Variants in MTFR1 observed in about 807,000 individuals in gnomAD.
The protein encoded by MTFR1 is mitochondrial fission regulator 1, also known as chondrocyte protein with a poly-proline region.
Under a neutral mutation model 38.8 loss-of-function variants are expected in MTFR1, and 28 were observed. The ratio of observed to expected loss-of-function variants is 0.72; its 90% CI spans 0.53 to 0.99. The LOEUF (loss-of-function observed/expected upper bound fraction) is 0.99. MTFR1 is among the 50% of genes least tolerant of loss of function. The pLI, the probability that MTFR1 is intolerant of heterozygous loss-of-function variation, is 0.00. For synonymous variants in MTFR1, 145 were observed against 137.0 expected, an observed-to-expected ratio of 1.06 and a Z score of -0.41; for missense variants, 358 against 395.5, an observed-to-expected ratio of 0.91 and a Z score of 0.81.
intron 3 of MTFR1, among the ~76,000 whole-genome samples, chr8:65,750,353 A>G (rs1807877310): frequency 6.6e-6 from 1 of 152,194 alleles, no homozygotes; most frequent in Non-Finnish European, 1.5e-5. Flanking sequence ...CCACTTCATG[A>G]GCATTCCCTC....
intron 3 of MTFR1, among the ~76,000 whole-genome samples, chr8:65,752,141 T>C (rs140893802): frequency 4.6e-5 from 7 of 152,346 alleles, no homozygotes; most frequent in African/African-American, 1.4e-4. Flanking sequence ...CACGAGGAAG[T>C]CACTCTATAT....
At chr8:65,707,749 G>T in intron 6 of MTFR1, 94 bp from the exon 7 acceptor site, 5 of 1,471,988 alleles carry the variant, frequency 3.4e-6, no homozygotes, top group East Asian at 2.3e-5. Context: ...TATGATGCTG[G>T]AGAGGTGCTG....
At chr8:65,720,837 T>G (rs1806344602) in intron 3 of MTFR1, among the ~76,000 whole-genome samples, 1 of 152,234 alleles carries the variant, frequency 6.6e-6, no homozygotes, top group Non-Finnish European at 1.5e-5. Context: ...ACTACAGTGT[T>G]ATGTTGAGCC....
Position 65,703,427 on chromosome 8 carries a change from T to TTG in MTFR1, c.282-1266_282-1265insGT, listed in dbSNP as rs1285177005. ...CATGCTTGATGTCTCTGGTTTTTTT[T>TTG]TTTTTTTTTTTTTTTTTTTTTTTTG... On this transcript the variant is annotated intron_variant, in intron 4 of 7. Coordinates refer to ENST00000262146, the MANE Select transcript of MTFR1 (RefSeq NM_014637.4). Among the ~76,000 whole-genome samples the TTG allele has an allele frequency of 8.6e-3, 1,020 of 118,688 alleles. 33 individuals carry two copies. Among genetic ancestry groups the TTG allele is most frequent in the African/African-American group, 0.033 (952 of 28,732 alleles). 77.9% of individuals were successfully genotyped at this position (118,688 alleles called of 152,430 possible).
rs1295110070 is a variant in MTFR1 at position 65,689,610 on chromosome 8, C to CT, written c.166-4030dup. Reference sequence around the variant, plus strand: ...TGCTGGGAACCTTCAGTAAGTTGTCCTTTTCTTTCTCAAACTTCCCATGCA... The same window carrying CT: ...TGCTGGGAACCTTCAGTAAGTTGTCCTTTTTCTTTCTCAAACTTCCCATGCA... On this transcript the variant is annotated intron_variant, in intron 3 of 7. Coordinates refer to ENST00000262146, the MANE Select transcript of MTFR1 (RefSeq NM_014637.4). 12 of 1,269,352 alleles carry CT rather than the reference C, an allele frequency of 9.5e-6. No homozygotes were observed. The Admixed American group carries it at 2.3e-4, about 24-fold the overall frequency. 78.6% of individuals were successfully genotyped at this position (1,269,352 alleles called of 1,614,324 possible).
chr8:65,672,300 A>G (rs1804585228), intron 2 of MTFR1, among the ~76,000 whole-genome samples: 1 of 152,202 alleles, frequency 6.6e-6, no homozygotes, highest in African/African-American at 2.4e-5. Context: ...AATTTCCAGT[A>G]TTTTTTAGCT....
intron 3 of MTFR1, among the ~76,000 whole-genome samples, chr8:65,760,218 C>T (rs185174664): frequency 6.6e-6 from 1 of 151,490 alleles, no homozygotes; most frequent in African/African-American, 2.4e-5. Flanking sequence ...CCAGCCTGGG[C>T]AAGAGTGAGA....
At chr8:65,748,334 A>G (rs1174328050) in intron 3 of MTFR1, among the ~76,000 whole-genome samples, 1 of 152,202 alleles carries the variant, frequency 6.6e-6, no homozygotes, top group Non-Finnish European at 1.5e-5. Context: ...AAGGGGGAGC[A>G]AAGTGGTTTA....
intron 3 of MTFR1, among the ~76,000 whole-genome samples, chr8:65,756,124 A>G (rs1158831615): frequency 2.0e-5 from 3 of 152,234 alleles, no homozygotes; most frequent in East Asian, 3.8e-4. Context: ...TTAATGAGAA[A>G]TCAGCTATTA....
intron 3 of MTFR1, among the ~76,000 whole-genome samples, chr8:65,760,061 G>A (rs1373144459): frequency 6.6e-6 from 1 of 152,050 alleles, no homozygotes; most frequent in East Asian, 1.9e-4. Flanking sequence ...CTAATATGGT[G>A]AAACCCCATC....
At chr8:65,726,926 A>G (rs777566225) in intron 3 of MTFR1, 1 of 1,609,440 alleles carries the variant, frequency 6.2e-7, no homozygotes, top group South Asian at 1.1e-5. Context: ...CAATAAGCCC[A>G]CTGCAGATCT....
At chr8:65,761,195 A>G (rs1490876765) in intron 3 of MTFR1, among the ~76,000 whole-genome samples, 2 of 152,132 alleles carry the variant, frequency 1.3e-5, no homozygotes, top group East Asian at 3.9e-4. Context: ...CCTCCCGAGT[A>G]GCTGGGATTA....
chr8:65,647,016 AG>A (rs1808979548), intron 1 of MTFR1, among the ~76,000 whole-genome samples: 2 of 152,370 alleles, frequency 1.3e-5, no homozygotes, highest in Non-Finnish European at 2.9e-5. Flanking sequence ...TCCAGAAGTC[AG>A]GTCAGAATCC....
At chr8:65,665,353 T>C (rs1181611829) in intron 1 of MTFR1, among the ~76,000 whole-genome samples, 1 of 152,202 alleles carries the variant, frequency 6.6e-6, no homozygotes. Flanking sequence ...CACCATTGGC[T>C]CTCAGAGGAT....
At chr8:65,704,293 A>G (rs1805713355) in intron 4 of MTFR1, among the ~76,000 whole-genome samples, 1 of 152,214 alleles carries the variant, frequency 6.6e-6, no homozygotes, top group Non-Finnish European at 1.5e-5. Context: ...AAAAAGATAA[A>G]AATTCATCAT....
chr8:65,775,409 A>G (rs1809231207), downstream of MTFR1, among the ~76,000 whole-genome samples: 1 of 152,182 alleles, frequency 6.6e-6, no homozygotes, highest in African/African-American at 2.4e-5. Flanking sequence ...AGTATTTTTT[A>G]AGGCTATGAA....
chr8:65,686,334 G>A (rs1805071288), intron 3 of MTFR1, among the ~76,000 whole-genome samples: 1 of 152,148 alleles, frequency 6.6e-6, no homozygotes, highest in African/African-American at 2.4e-5. Context: ...CACTTTGGGA[G>A]GCCAATGCGG....
intron 4 of MTFR1, among the ~76,000 whole-genome samples, chr8:65,694,487 C>T (rs1256633478): frequency 6.6e-6 from 1 of 152,126 alleles, no homozygotes; most frequent in Non-Finnish European, 1.5e-5. Flanking sequence ...ATAATTATGT[C>T]CTAAGTCCTC....
chr8:65,713,477 CACACACAA>C (rs1475233700), downstream of MTFR1, among the ~76,000 whole-genome samples: 172 of 138,570 alleles, frequency 1.2e-3, no homozygotes, highest in African/African-American at 4.2e-3. Flanking sequence ...CACACACACA[CACACACAA>C]ACAAAACAAA....
Sources: gnomAD v4.1 joint callset for allele counts (sites outside exome capture counted in the v4.1 genomes callset) on GRCh38, gnomAD v4.1.1 for gene constraint, MANE v1.5 for transcripts, NCBI Gene and HGNC (gene_info 2026-07-23, HGNC 2026-07-21) for gene names.